TEKT3: variants seen among roughly 807,000 people sequenced by gnomAD.
TEKT3 encodes tektin-3.
In TEKT3, 49 loss-of-function variants were observed where a neutral mutation model predicts 49.8. The observed-to-expected ratio is 0.98, with a 90% CI of 0.78 to 1.25. The LOEUF is 1.25. Among genes scored for constraint, TEKT3 ranks in the 50% most tolerant of loss-of-function variants. The pLI is 0.00. For synonymous variants in TEKT3, 225 were observed against 237.2 expected (o/e 0.95, Z 0.47); for missense variants, 595 against 629.5 (o/e 0.95, Z 0.59).
chr17:15,332,350 A>G (rs1321032284), intron 2 of TEKT3, among the ~76,000 whole-genome samples: 4 of 152,202 alleles, frequency 2.6e-5, no homozygotes, highest in Non-Finnish European at 4.4e-5. Context: ...GAAAAGAGAA[A>G]CAAGGTGAGC....
At chr17:15,321,055 G>A (rs1195771025) in intron 4 of TEKT3, among the ~76,000 whole-genome samples, 1 of 149,602 alleles carries the variant, frequency 6.7e-6, no homozygotes, top group Non-Finnish European at 1.5e-5. Flanking sequence ...TATCTCCCAG[G>A]CCGGAGTGCA....
At chr17:15,321,163 C>A (rs8072399) in intron 4 of TEKT3, among the ~76,000 whole-genome samples, 51,119 of 151,346 alleles carry the variant, frequency 0.34, 9,487 homozygotes, top group African/African-American at 0.48. Flanking sequence ...GCGCCCACCA[C>A]CATGCCTGGC....
intron 5 of TEKT3, among the ~76,000 whole-genome samples, chr17:15,318,351 T>C (rs1911110215): frequency 6.6e-6 from 1 of 152,116 alleles, no homozygotes; most frequent in Admixed American, 6.5e-5. Flanking sequence ...CGACCACTCA[T>C]TACTTTTTCA....
At chr17:15,333,996 C>G (rs1030851108) in intron 2 of TEKT3, among the ~76,000 whole-genome samples, 1 of 151,940 alleles carries the variant, frequency 6.6e-6, no homozygotes, top group African/African-American at 2.4e-5. Context: ...ATCTCCTGAC[C>G]TTGTGATCCA....
intron 5 of TEKT3, among the ~76,000 whole-genome samples, chr17:15,317,587 G>C (rs1911063649): frequency 6.6e-6 from 1 of 152,154 alleles, no homozygotes; most frequent in Non-Finnish European, 1.5e-5. Context: ...CGCACAGGAT[G>C]GGCAAATTAA....
intron 1 of TEKT3, among the ~76,000 whole-genome samples, chr17:15,340,889 C>T (rs1397602866): frequency 6.6e-6 from 1 of 152,120 alleles, no homozygotes; most frequent in Non-Finnish European, 1.5e-5. Flanking sequence ...AATAATCAAA[C>T]AAATAATTTT....
intron 7 of TEKT3, 80 bp downstream of exon 7, chr17:15,312,179 G>A (rs1443853432): frequency 7.3e-7 from 1 of 1,372,624 alleles, no homozygotes; most frequent in African/African-American, 1.4e-5. Context: ...TGCCTCTCTG[G>A]GAGTGGTGAG....
At chr17:15,324,891 T>C (rs905432312) in intron 4 of TEKT3, among the ~76,000 whole-genome samples, 5 of 152,234 alleles carry the variant, frequency 3.3e-5, no homozygotes, top group African/African-American at 7.2e-5. Context: ...TTTCTAAAAG[T>C]CTTACAGTTT....
At chr17:15,321,650 G>A (rs1481381993) in intron 4 of TEKT3, among the ~76,000 whole-genome samples, 3 of 152,212 alleles carry the variant, frequency 2.0e-5, no homozygotes, top group African/African-American at 7.2e-5. Flanking sequence ...ACATTTAGGA[G>A]CCTGGAAAAT....
intron 4 of TEKT3, among the ~76,000 whole-genome samples, chr17:15,324,631 G>A (rs1911411912): frequency 6.6e-6 from 1 of 152,036 alleles, no homozygotes; most frequent in Non-Finnish European, 1.5e-5. Context: ...ATCCTCATGG[G>A]TATGAAGTCA....
chr17:15,321,916 T>C (rs1911283797), intron 4 of TEKT3, among the ~76,000 whole-genome samples: 1 of 152,068 alleles, frequency 6.6e-6, no homozygotes, highest in African/African-American at 2.4e-5. Context: ...TCTTGGGAGG[T>C]GGGGCTTGGG....
chr17:15,328,936 A>C (rs967286589), intron 3 of TEKT3, among the ~76,000 whole-genome samples: 1 of 152,238 alleles, frequency 6.6e-6, no homozygotes, highest in African/African-American at 2.4e-5. Context: ...ATCCAGATAT[A>C]CTATCACTGA....
chr17:15,336,579 T>C (rs148636526), intron 2 of TEKT3, among the ~76,000 whole-genome samples: 1,597 of 152,230 alleles, frequency 0.01, 31 homozygotes, highest in African/African-American at 0.036. Flanking sequence ...AAAATCTTTC[T>C]AACTTTCAAA....
In TEKT3 at chr17:15,312,692, G is replaced by A. The variant is rs75890543; in HGVS notation, c.879-211C>T. On this transcript the variant is annotated intron_variant, in intron 6 of 8. Transcript: ENST00000395930. ...AATCAGTTTTCTATTTATCTAAAGCGTAAGCTGGTTCTTCTGCCAGTTTCA... is the reference window on the plus strand; with the variant it reads ...AATCAGTTTTCTATTTATCTAAAGCATAAGCTGGTTCTTCTGCCAGTTTCA... 1.3e-4 allele frequency among the ~76,000 whole-genome samples: 20 copies of A among 152,244 alleles called. No individual in the cohort carries two copies. In the East Asian group the frequency reaches 2.5e-3, roughly 19 times the overall value.
Position 15,306,089 on chromosome 17 carries a change from A to G in TEKT3, c.1257-1937T>C, listed in dbSNP as rs867543732. ...AAGCTACCACAGTTTATTTATATAT[A>G]TGTGTGTGTGTGTGTGTGTGTGTGT... On this transcript the variant is annotated intron_variant, in intron 8 of 8. Coordinates refer to ENST00000395930, the MANE Select transcript of TEKT3 (RefSeq NM_031898.3). 9.9e-3 allele frequency among the ~76,000 whole-genome samples: 1,429 copies of G among 144,368 alleles called. 9 individuals are homozygous for G. Among genetic ancestry groups the G allele is most frequent in the Non-Finnish European group, 0.015 (986 of 65,994 alleles). The allele number at this position is 144,368 out of a possible 152,430, so 94.7% of individuals were successfully genotyped here.
Position 15,319,065 on chromosome 17 carries a change from T to A in TEKT3, c.734+12A>T. On this transcript the variant is annotated intron_variant, in intron 5 of 8. Transcript: ENST00000395930. ...ATAGATTTTGAATTGTATAGAGACA[T>A]AAAGCTCTTACGCAAGTTGGGCAAT... 1 of 1,606,374 alleles carries A rather than the reference T, an allele frequency of 6.2e-7. No individual in the cohort carries two copies. The highest frequency in any genetic ancestry group is 8.5e-7 in the Non-Finnish European group (1 of 1,175,940).
chr17:15,330,016 T>C (rs1368553763), intron 3 of TEKT3, among the ~76,000 whole-genome samples: 1 of 152,154 alleles, frequency 6.6e-6, no homozygotes, highest in Non-Finnish European at 1.5e-5. Flanking sequence ...CCTGAGCCCA[T>C]TCAGAAGCCT....
rs1567583394 is a variant in TEKT3, at chr17:15,331,434, CT to C, written c.151del (p.Arg51AspfsTer54). 1 of 1,614,064 alleles carries C rather than the reference CT, an allele frequency of 6.2e-7. No homozygotes were observed. Among genetic ancestry groups the C allele is most frequent in the Admixed American group, 1.7e-5 (1 of 60,014 alleles). ...NLTHSLSLPW[R>X]PSTYYKVASN... ...GGCGACTTTGTAGTATGTGCTGGGTCTCCAAGGAAGGCTCAGGCTATGGGTC... is the reference window on the plus strand; with the variant it reads ...GGCGACTTTGTAGTATGTGCTGGGTCCCAAGGAAGGCTCAGGCTATGGGTC... On this transcript the variant is annotated frameshift_variant, in exon 3 of 9. Transcript: ENST00000395930. LOFTEE classifies it high-confidence loss of function.
In TEKT3 at chr17:15,304,251, T is replaced by C; in HGVS notation, c.1257-99A>G. 8.3e-7 allele frequency: 1 copy of C among 1,205,022 alleles called. No homozygotes were observed. The highest frequency in any genetic ancestry group is 1.2e-6 in the Non-Finnish European group (1 of 841,328). 74.6% of individuals were successfully genotyped at this position (1,205,022 alleles called of 1,614,324 possible). ...CAGCGATGCAAAGCTCACATTTTCT[T>C]TACTTTAGGATATATTTATCAGCAA... On this transcript the variant is annotated intron_variant, in intron 8 of 8. Coordinates refer to ENST00000395930, the MANE Select transcript of TEKT3 (RefSeq NM_031898.3). The surrounding 1 kb of genome is among the most constrained non-coding windows in gnomAD (Gnocchi z 4.7).
Sources: allele counts gnomAD v4.1 joint callset (sites outside exome capture counted in the v4.1 genomes callset), GRCh38; gene constraint gnomAD v4.1.1; non-coding constraint Gnocchi (gnomAD v3.1); transcripts MANE v1.5; gene names NCBI Gene and HGNC (gene_info 2026-07-23, HGNC 2026-07-21).